Variants in SHISA9 observed in about 807,000 individuals in gnomAD.
SHISA9 encodes the protein protein shisa-9.
SHISA9 carries 13 observed loss-of-function variants against 38.0 expected under a neutral mutation model. The observed-to-expected ratio is 0.34, with a 90% CI of 0.22 to 0.54. SHISA9 has a LOEUF of 0.54. SHISA9 is among the 20% of genes least tolerant of loss of function. The probability of loss-of-function intolerance (pLI) is 0.91; values close to 1 mark genes in which losing one functional copy is unlikely to be tolerated. For synonymous variants in SHISA9, 275 were observed against 242.0 expected (o/e 1.14, Z -1.27); for missense variants, 538 against 575.8 (o/e 0.93, Z 0.67).
the SHISA9 span, among the ~76,000 whole-genome samples, chr16:13,481,170 C>A: frequency 6.6e-6 from 1 of 152,196 alleles, no homozygotes; most frequent in Non-Finnish European, 1.5e-5. Flanking sequence ...CTTGTCTTTG[C>A]GAACCTCTGA....
chr16:13,173,163 A>G (rs1388848390), intron 2 of SHISA9, among the ~76,000 whole-genome samples: 2 of 152,152 alleles, frequency 1.3e-5, no homozygotes, highest in Non-Finnish European at 2.9e-5. Flanking sequence ...GCACACACAC[A>G]CACACACACA....
the SHISA9 span, among the ~76,000 whole-genome samples, chr16:13,506,301 A>G: frequency 6.6e-6 from 1 of 152,160 alleles, no homozygotes; most frequent in Non-Finnish European, 1.5e-5. Flanking sequence ...GACATCAGAG[A>G]ACAACAAAAA....
At chr16:13,325,238 A>C in the SHISA9 span, among the ~76,000 whole-genome samples, 2 of 152,164 alleles carry the variant, frequency 1.3e-5, no homozygotes, top group African/African-American at 4.8e-5. Flanking sequence ...TTTTGAGGTA[A>C]AATACTTCAC....
At chr16:13,142,743 G>A (rs2050412226) in intron 2 of SHISA9, among the ~76,000 whole-genome samples, 1 of 152,052 alleles carries the variant, frequency 6.6e-6, no homozygotes, top group Non-Finnish European at 1.5e-5. Context: ...CACAGAGTGG[G>A]GGGGATGTTT....
At chr16:13,306,053 G>A in the SHISA9 span, among the ~76,000 whole-genome samples, 6 of 152,102 alleles carry the variant, frequency 3.9e-5, no homozygotes, top group African/African-American at 7.2e-5. Flanking sequence ...GTACAGAGGT[G>A]GCAGAGGAGA....
chr16:13,275,324 C>T, the SHISA9 span, among the ~76,000 whole-genome samples: 4 of 152,108 alleles, frequency 2.6e-5, no homozygotes, highest in South Asian at 2.1e-4. Context: ...ACACTATATT[C>T]TATTAGAGCT....
intron 2 of SHISA9, among the ~76,000 whole-genome samples, chr16:13,120,403 G>T (rs1213539591): frequency 6.6e-6 from 1 of 152,150 alleles, no homozygotes; most frequent in Admixed American, 6.5e-5. Context: ...GATGAAGCTG[G>T]TGACCCCTGT....
At chr16:13,019,773 TTTCTTTCTTTC>T (rs1242081232) in intron 2 of SHISA9, among the ~76,000 whole-genome samples, 1 of 58,202 alleles carries the variant, frequency 1.7e-5, no homozygotes, top group Non-Finnish European at 3.5e-5. Flanking sequence ...CTTTTCTTTC[TTTCTTTCTTTC>T]TTTCTTTCTT....
At chr16:13,025,845 G>T (rs2072914250) in intron 2 of SHISA9, among the ~76,000 whole-genome samples, 1 of 151,804 alleles carries the variant, frequency 6.6e-6, no homozygotes, top group South Asian at 2.1e-4. Flanking sequence ...TCCTCTTGTT[G>T]CCCATGCTGG....
chr16:13,225,716 G>A (rs2051272360), intron 4 of SHISA9, among the ~76,000 whole-genome samples: 1 of 152,140 alleles, frequency 6.6e-6, no homozygotes, highest in African/African-American at 2.4e-5. Context: ...CAGATGTGCA[G>A]CTTGTTTTGG....
chr16:13,096,088 A>G (rs1424598321), intron 2 of SHISA9, among the ~76,000 whole-genome samples: 1 of 152,250 alleles, frequency 6.6e-6, no homozygotes, highest in Non-Finnish European at 1.5e-5. Context: ...TAGCTGGTTA[A>G]CGATGAACAA....
chr16:13,420,006 G>A, the SHISA9 span, among the ~76,000 whole-genome samples: 1 of 152,106 alleles, frequency 6.6e-6, no homozygotes, highest in Non-Finnish European at 1.5e-5. Context: ...AGCACTTTGG[G>A]AGGCCAAGGC....
chr16:13,526,142 G>C, the SHISA9 span, among the ~76,000 whole-genome samples: 1 of 152,244 alleles, frequency 6.6e-6, no homozygotes, highest in African/African-American at 2.4e-5. Context: ...ACTGGAGCCA[G>C]TAGGAGTGTA....
At chr16:13,529,630 A>G in the SHISA9 span, among the ~76,000 whole-genome samples, 1 of 152,238 alleles carries the variant, frequency 6.6e-6, no homozygotes, top group Non-Finnish European at 1.5e-5. Context: ...GCAGTCACGC[A>G]TATTGGCTCA....
At chr16:13,378,951 A>C in the SHISA9 span, among the ~76,000 whole-genome samples, 1 of 152,218 alleles carries the variant, frequency 6.6e-6, no homozygotes, top group Non-Finnish European at 1.5e-5. Flanking sequence ...CAAAATACAC[A>C]GTAAGTAACC....
intron 2 of SHISA9, among the ~76,000 whole-genome samples, chr16:13,140,863 T>A (rs527566110): frequency 6.6e-6 from 1 of 152,288 alleles, no homozygotes; most frequent in South Asian, 2.1e-4. Flanking sequence ...AGTATGAGAC[T>A]GGATGTACAA....
At chr16:12,918,329 G>A (rs9938893) in intron 2 of SHISA9, among the ~76,000 whole-genome samples, 39,143 of 152,078 alleles carry the variant, frequency 0.26, 5,449 homozygotes, top group Non-Finnish European at 0.31. Context: ...TTCAGTCCCA[G>A]ACATCGTATA....
chr16:13,561,696 A>G, the SHISA9 span, among the ~76,000 whole-genome samples: 4 of 152,218 alleles, frequency 2.6e-5, no homozygotes, highest in Admixed American at 1.3e-4. Flanking sequence ...ATGCAGGTCA[A>G]GGTAGTGACC....
the SHISA9 span, among the ~76,000 whole-genome samples, chr16:13,501,483 T>A: frequency 6.6e-6 from 1 of 152,304 alleles, no homozygotes; most frequent in South Asian, 2.1e-4. Context: ...TGTGATATAT[T>A]CATGGCAAGC....
Sources: gnomAD v4.1 joint callset for allele counts (sites outside exome capture counted in the v4.1 genomes callset) on GRCh38, gnomAD v4.1.1 for gene constraint, MANE v1.5 for transcripts, NCBI Gene and HGNC (gene_info 2026-07-23, HGNC 2026-07-21) for gene names.